Variants in BCL11A observed in about 807,000 individuals in gnomAD.
BCL11A encodes the protein B cell CLL/lymphoma 11A.
Under a neutral mutation model 55.9 loss-of-function variants are expected in BCL11A, and 2 were observed. The ratio of observed to expected loss-of-function variants is 0.04; its 90% CI spans 0.01 to 0.11. The LOEUF (loss-of-function observed/expected upper bound fraction) is 0.11. Among genes scored for constraint, BCL11A ranks in the 10% least tolerant of loss-of-function variants. The pLI is 1.00. For synonymous variants in BCL11A, 465 were observed against 473.4 expected (o/e 0.98, Z 0.23); for missense variants, 817 against 1,137.1 (o/e 0.72, Z 4.05).
In BCL11A at chr2:60,459,922, A is replaced by C. The variant is rs1239495985; in HGVS notation, c.*482T>G. On this transcript the variant is annotated 3_prime_UTR_variant, in exon 4 of 4. Coordinates refer to ENST00000642384, the MANE Select transcript of BCL11A (RefSeq NM_022893.4). The stretch of plus-strand genomic sequence containing the variant: ...ATGATATGTATTACAGAATGTATGC[A>C]GCATGGTCTTTTTCTCTCTCTCTCT... 17 of 1,060,440 alleles carry C rather than the reference A, an allele frequency of 1.6e-5. No individual in the cohort carries two copies. The highest frequency in any genetic ancestry group is 2.3e-6 in the Non-Finnish European group (2 of 876,310). 65.7% of individuals were successfully genotyped at this position (1,060,440 alleles called of 1,614,324 possible).
intron 2 of BCL11A, among the ~76,000 whole-genome samples, chr2:60,509,443 G>C (rs1466465524): frequency 6.6e-6 from 1 of 152,224 alleles, no homozygotes; most frequent in African/African-American, 2.4e-5. Context: ...AAACGGTTCT[G>C]TGGAAGCACA....
intron 2 of BCL11A, among the ~76,000 whole-genome samples, chr2:60,512,510 C>A (rs1680043981): frequency 6.6e-6 from 1 of 152,192 alleles, no homozygotes; most frequent in African/African-American, 2.4e-5. Context: ...CTTCCCGGCT[C>A]CCCTCCCAAC....
intron 2 of BCL11A, chr2:60,534,507 C>T (rs935769084): frequency 6.6e-6 from 1 of 152,184 alleles, no homozygotes; most frequent in African/African-American, 2.4e-5. Flanking sequence ...CTGCAATGTT[C>T]GTGGGGAACA....
At chr2:60,541,493 G>C (rs1446681097) in intron 2 of BCL11A, among the ~76,000 whole-genome samples, 1 of 152,172 alleles carries the variant, frequency 6.6e-6, no homozygotes, top group Non-Finnish European at 1.5e-5. Context: ...ATTTGTCTTA[G>C]AAAGAGTTTC....
intron 2 of BCL11A, among the ~76,000 whole-genome samples, chr2:60,506,189 T>C (rs1325978843): frequency 3.9e-5 from 6 of 152,218 alleles, no homozygotes; most frequent in Non-Finnish European, 8.8e-5. Context: ...TAGCCTGTCC[T>C]GTTAGCCAAA....
chr2:60,537,378 A>T (rs1344332390), intron 2 of BCL11A: 2 of 152,242 alleles, frequency 1.3e-5, no homozygotes, highest in Admixed American at 6.5e-5. Context: ...GGAAACTGAA[A>T]GGATCGGGGC....
chr2:60,499,397 G>T (rs1400676218), intron 2 of BCL11A, among the ~76,000 whole-genome samples: 1 of 152,132 alleles, frequency 6.6e-6, no homozygotes, highest in Non-Finnish European at 1.5e-5. Flanking sequence ...TGCACATTCT[G>T]TAACTCCTCT....
intron 2 of BCL11A, among the ~76,000 whole-genome samples, chr2:60,485,323 C>T (rs1232779900): frequency 6.6e-6 from 1 of 152,226 alleles, no homozygotes; most frequent in Non-Finnish European, 1.5e-5. Context: ...AAGGCCACTC[C>T]AGCAAGAATG....
intron 3 of BCL11A, among the ~76,000 whole-genome samples, chr2:60,468,087 T>TAA (rs1236159824): frequency 7.7e-5 from 11 of 143,724 alleles, no homozygotes; most frequent in South Asian, 2.3e-4. Flanking sequence ...ATGGTGGTGG[T>TAA]TGTGGTGGTG....
At chr2:60,490,897 A>ACCCACAC (rs1308093512) in intron 2 of BCL11A, among the ~76,000 whole-genome samples, 1 of 152,112 alleles carries the variant, frequency 6.6e-6, no homozygotes, top group Non-Finnish European at 1.5e-5. Flanking sequence ...CCTTCTTAGC[A>ACCCACAC]CCCACAAACA....
At chr2:60,529,079 C>A (rs1291637541) in intron 2 of BCL11A, among the ~76,000 whole-genome samples, 1 of 152,162 alleles carries the variant, frequency 6.6e-6, no homozygotes, top group East Asian at 1.9e-4. Flanking sequence ...CTCCCACCCA[C>A]GAGGGAGCTG....
intron 3 of BCL11A, among the ~76,000 whole-genome samples, chr2:60,467,168 ATGGTGGTGGTGG>A (rs1169175530): frequency 5.4e-5 from 2 of 36,816 alleles, no homozygotes; most frequent in African/African-American, 2.5e-4. Flanking sequence ...GGTGGTGGTG[ATGGTGGTGGTGG>A]TGGTGGTGAT....
At chr2:60,483,964 C>G (rs1030855433) in intron 2 of BCL11A, 1 of 151,768 alleles carries the variant, frequency 6.6e-6, no homozygotes, top group African/African-American at 2.4e-5. Flanking sequence ...AAATCAGAAG[C>G]TTGTTAGATG....
At position 60,460,873 on chromosome 2, in the gene BCL11A, C is replaced by T; in HGVS notation, c.2039G>A (p.Arg680Lys). ...KDPFLSFGDS[R>K]QSPFASSSEH... ...CGACGAGGAGGCAAAAGGCGATTGT[C>T]TGGAGTCTCCGAAGCTAAGGAAGGG... Residue 680 changes from arginine to lysine, a missense_variant, in exon 4 of 4, where the codon AGA becomes AAA. Around this residue, in one of 4 missense-constraint regions of BCL11A, gnomAD observed 379 missense variants for 425.3 expected, o/e 0.89. Transcript: ENST00000642384. 6.2e-7 allele frequency: 1 copy of T among 1,613,308 alleles called. No homozygotes were observed. Among genetic ancestry groups the T allele is most frequent in the Non-Finnish European group, 8.5e-7 (1 of 1,180,040 alleles).
intron 2 of BCL11A, among the ~76,000 whole-genome samples, chr2:60,505,916 C>A (rs907075961): frequency 1.3e-5 from 2 of 152,222 alleles, no homozygotes; most frequent in Non-Finnish European, 2.9e-5. Context: ...TACCCAGAAG[C>A]AATAGCAGCC....
At chr2:60,544,590 T>C (rs570867566) in intron 2 of BCL11A, 4 of 152,320 alleles carry the variant, frequency 2.6e-5, no homozygotes, top group Admixed American at 1.3e-4. Context: ...GATCAAATTC[T>C]AGAGGGGGAG....
chr2:60,481,122 G>A (rs1677929536), intron 2 of BCL11A, among the ~76,000 whole-genome samples: 1 of 152,076 alleles, frequency 6.6e-6, no homozygotes, highest in Non-Finnish European at 1.5e-5. Context: ...CCCAGTGGTG[G>A]CCGCAGCTCA....
At position 60,457,588 on chromosome 2, in the gene BCL11A, A is replaced by G. The variant is rs1448770870; in HGVS notation, c.*2816T>C. ...GACTAAAGCGGGCTTTCTCTTTAAT[A>G]TGCTTTGCATATGAAATTCTTTCCA... On this transcript the variant is annotated 3_prime_UTR_variant, in exon 4 of 4. Coordinates refer to ENST00000642384, the MANE Select transcript of BCL11A (RefSeq NM_022893.4). The G allele has an allele frequency of 1.9e-6, 2 of 1,044,530 alleles. No homozygotes were observed. Among genetic ancestry groups the G allele is most frequent in the Non-Finnish European group, 2.3e-6 (2 of 866,128 alleles). The allele number at this position is 1,044,530 out of a possible 1,614,324, so 64.7% of individuals were successfully genotyped here.
chr2:60,469,396 G>A (rs527896969), intron 2 of BCL11A, among the ~76,000 whole-genome samples: 45 of 152,268 alleles, frequency 3.0e-4, no homozygotes, highest in African/African-American at 1.1e-3. Context: ...TCAGTGATAG[G>A]GGAAACCTGG....
Sources: gnomAD v4.1 joint callset for allele counts (sites outside exome capture counted in the v4.1 genomes callset) on GRCh38, gnomAD v4.1.1 for gene constraint, gnomAD v4.1.1 regional missense constraint, MANE v1.5 for transcripts, NCBI Gene and HGNC (gene_info 2026-07-23, HGNC 2026-07-21) for gene names.